SDK1: variants seen among roughly 807,000 people sequenced by gnomAD.
SDK1 encodes the protein sidekick cell adhesion molecule 1.
In SDK1, 157 loss-of-function variants were observed where a neutral mutation model predicts 245.5. That is an observed-to-expected ratio of 0.64 (90% CI 0.56 to 0.73). The LOEUF (loss-of-function observed/expected upper bound fraction) is 0.73, where lower values mean the gene tolerates loss of function less well. SDK1 is among the 30% of genes least tolerant of loss of function. The pLI, the probability that SDK1 is intolerant of heterozygous loss-of-function variation, is 0.00. For missense variants in SDK1, 3,583 were observed against 3,002.3 expected, an observed-to-expected ratio of 1.19 and a Z score of -4.52; for synonymous variants, 1,647 against 1,278.5, an observed-to-expected ratio of 1.29 and a Z score of -6.15.
chr7:3,638,558 C>G (rs912617693), intron 2 of SDK1, among the ~76,000 whole-genome samples: 2 of 146,658 alleles, frequency 1.4e-5, no homozygotes, highest in African/African-American at 5.1e-5. Context: ...ACCGCATGTT[C>G]TCACTCATAG....
Position 4,062,224 on chromosome 7 carries a change from A to C in SDK1, c.2912-5614A>C, listed in dbSNP as rs140547731. Among the ~76,000 whole-genome samples, 937 of 152,284 alleles carry C rather than the reference A, an allele frequency of 6.2e-3. 6 individuals carry two copies. Among genetic ancestry groups the C allele is most frequent in the African/African-American group, 0.019 (806 of 41,562 alleles). ...CAATAAACTGCTAGCTAGACTTAAG[A>C]AGAATAAAAGACAGATTACTTAAGG... On this transcript the variant is annotated intron_variant, in intron 19 of 44. Coordinates refer to ENST00000404826, the MANE Select transcript of SDK1 (RefSeq NM_152744.4).
chr7:3,650,014 G>T (rs201136067), intron 4 of SDK1, among the ~76,000 whole-genome samples: 2 of 143,262 alleles, frequency 1.4e-5, no homozygotes, highest in Non-Finnish European at 1.5e-5. Context: ...TTTTTGTTTT[G>T]AAAAAAAAAA....
At chr7:3,557,791 C>G (rs1337564035) in intron 1 of SDK1, among the ~76,000 whole-genome samples, 1 of 152,100 alleles carries the variant, frequency 6.6e-6, no homozygotes, top group Non-Finnish European at 1.5e-5. Flanking sequence ...CAGCTTGTTA[C>G]TTTAGGAGTT....
intron 22 of SDK1, among the ~76,000 whole-genome samples, chr7:4,083,907 C>T (rs966538037): frequency 6.6e-6 from 1 of 151,496 alleles, no homozygotes; most frequent in Non-Finnish European, 1.5e-5. Flanking sequence ...GCACGTAGGT[C>T]TAGTCGCCCC....
intron 1 of SDK1, among the ~76,000 whole-genome samples, chr7:3,428,202 G>C (rs1347937554): frequency 6.6e-6 from 1 of 152,202 alleles, no homozygotes. Context: ...TCATGATACA[G>C]ATCTGTTATT....
In SDK1 at chr7:4,048,159, G is replaced by A. The variant is rs755536384; in HGVS notation, c.2603-1189G>A. Among the ~76,000 whole-genome samples the A allele has an allele frequency of 5.9e-5, 9 of 152,274 alleles. No homozygotes were observed. The East Asian group carries it at 9.7e-4, about 16-fold the overall frequency. Reference sequence around the variant, plus strand: ...TTTCACCAGGACCACATGGGATCCCGTGTGTTCCGGCCGAGAAGACCCTTG... The same window carrying A: ...TTTCACCAGGACCACATGGGATCCCATGTGTTCCGGCCGAGAAGACCCTTG... On this transcript the variant is annotated intron_variant, in intron 17 of 44. Coordinates refer to ENST00000404826, the MANE Select transcript of SDK1 (RefSeq NM_152744.4).
intron 2 of SDK1, among the ~76,000 whole-genome samples, chr7:3,625,860 A>C (rs2128646412): frequency 6.6e-6 from 1 of 152,082 alleles, no homozygotes. Context: ...AAAGCTACTC[A>C]GGGCTGCCTG....
chr7:4,110,923 CG>C, intron 23 of SDK1, 151 bp downstream of exon 23: 1 of 628,478 alleles, frequency 1.6e-6, no homozygotes, highest in East Asian at 2.8e-5. Flanking sequence ...AAGGAGCAGG[CG>C]GGATGCATAG....
At chr7:3,776,345 G>C (rs1780561026) in intron 4 of SDK1, among the ~76,000 whole-genome samples, 1 of 152,202 alleles carries the variant, frequency 6.6e-6, no homozygotes, top group Middle Eastern at 3.2e-3. Context: ...CCCACATTCT[G>C]TTTCCCAGTT....
intron 27 of SDK1, chr7:4,130,351 G>A: frequency 6.0e-6 from 3 of 502,812 alleles, no homozygotes. Flanking sequence ...GGCAGTGCTG[G>A]GGAGAGGCAG....
intron 2 of SDK1, among the ~76,000 whole-genome samples, chr7:3,634,863 G>A (rs181167419): frequency 1.7e-4 from 26 of 152,230 alleles, no homozygotes; most frequent in African/African-American, 2.6e-4. Flanking sequence ...ATTTTTGGGC[G>A]TTAGTACGGA....
chr7:4,243,154 T>C (rs1786636176), intron 43 of SDK1, among the ~76,000 whole-genome samples: 1 of 152,226 alleles, frequency 6.6e-6, no homozygotes, highest in Non-Finnish European at 1.5e-5. Context: ...CATGCCCTGC[T>C]TCCTTGCTGC....
At chr7:3,429,705 TC>T (rs1779777833) in intron 1 of SDK1, among the ~76,000 whole-genome samples, 1 of 151,040 alleles carries the variant, frequency 6.6e-6, no homozygotes, top group Non-Finnish European at 1.5e-5. Context: ...CAAGCAATCC[TC>T]CCGCCTCAGC....
chr7:3,569,347 A>G (rs1318461895), intron 1 of SDK1, among the ~76,000 whole-genome samples: 3 of 152,210 alleles, frequency 2.0e-5, no homozygotes, highest in South Asian at 4.1e-4. Context: ...TCTAGCAACT[A>G]CCAGGGAAAA....
chr7:4,027,501 C>A (rs1272733842), intron 17 of SDK1, among the ~76,000 whole-genome samples: 1 of 152,094 alleles, frequency 6.6e-6, no homozygotes, highest in Non-Finnish European at 1.5e-5. Context: ...TCCACCTGGC[C>A]CAGGAGGGCC....
At chr7:3,854,450 T>C (rs1159630470) in intron 5 of SDK1, among the ~76,000 whole-genome samples, 1 of 152,236 alleles carries the variant, frequency 6.6e-6, no homozygotes, top group Non-Finnish European at 1.5e-5. Flanking sequence ...TCTCATTTCC[T>C]TACCTGAAAT....
chr7:4,004,679 G>A (rs968823081), intron 14 of SDK1, among the ~76,000 whole-genome samples: 1 of 152,158 alleles, frequency 6.6e-6, no homozygotes, highest in Non-Finnish European at 1.5e-5. Context: ...TTTTGCTAGA[G>A]TGTTTTAAAG....
At chr7:4,226,834 G>A (rs530033439) in intron 40 of SDK1, among the ~76,000 whole-genome samples, 2 of 152,254 alleles carry the variant, frequency 1.3e-5, no homozygotes, top group South Asian at 2.1e-4. Flanking sequence ...TTACACAATA[G>A]ACTGGAATGA....
intron 1 of SDK1, among the ~76,000 whole-genome samples, chr7:3,495,677 C>T (rs1782003590): frequency 6.6e-6 from 1 of 152,210 alleles, no homozygotes; most frequent in African/African-American, 2.4e-5. Context: ...TCACCAACTA[C>T]TCCGTGTGGT....
Sources: allele counts gnomAD v4.1 joint callset (sites outside exome capture counted in the v4.1 genomes callset), GRCh38; gene constraint gnomAD v4.1.1; transcripts MANE v1.5; gene names NCBI Gene and HGNC (gene_info 2026-07-23, HGNC 2026-07-21).